TRABD2A: variants seen among roughly 807,000 people sequenced by gnomAD.
TRABD2A encodes TraB domain containing 2A.
A neutral mutation model predicts 45.6 loss-of-function variants in TRABD2A; 43 were observed. The observed-to-expected ratio is 0.94, with a 90% CI of 0.74 to 1.22. The LOEUF is 1.22. TRABD2A is among the 50% of genes most tolerant of loss of function. The pLI, the probability that TRABD2A is intolerant of heterozygous loss-of-function variation, is 0.00. For synonymous variants in TRABD2A, 269 were observed against 265.0 expected, an observed-to-expected ratio of 1.02 and a Z score of -0.15; for missense variants, 642 against 652.4, an observed-to-expected ratio of 0.98 and a Z score of 0.17.
At chr2:84,826,758 T>C (rs945526405) in intron 5 of TRABD2A, among the ~76,000 whole-genome samples, 1 of 152,206 alleles carries the variant, frequency 6.6e-6, no homozygotes, top group Middle Eastern at 3.2e-3. Context: ...GGTCTTGAGC[T>C]CCTGACCCCA....
intron 2 of TRABD2A, among the ~76,000 whole-genome samples, chr2:84,854,066 A>G (rs148414095): frequency 6.7e-6 from 1 of 149,000 alleles, no homozygotes; most frequent in Non-Finnish European, 1.5e-5. Flanking sequence ...ATAAATATAT[A>G]TTATTTATAT....
chr2:84,874,613 A>G (rs11693789), intron 1 of TRABD2A: 6,422 of 153,076 alleles, frequency 0.042, 171 homozygotes, highest in South Asian at 0.085. Context: ...TGACCATGCC[A>G]CCTAAGTTGG....
chr2:84,824,394 T>C (rs1363510723), intron 5 of TRABD2A, among the ~76,000 whole-genome samples, 190 bp from the exon 6 acceptor site: 6 of 151,980 alleles, frequency 3.9e-5, no homozygotes, highest in African/African-American at 1.2e-4. Flanking sequence ...GCCTTTTTTT[T>C]CCCCTCAGAT....
chr2:84,871,711 T>C (rs1443696341), intron 1 of TRABD2A, among the ~76,000 whole-genome samples: 11 of 152,126 alleles, frequency 7.2e-5, no homozygotes, highest in Admixed American at 4.6e-4. Flanking sequence ...GGTCTCAAAC[T>C]CCTGACCTTG....
chr2:84,845,569 G>T (rs1425346609), intron 2 of TRABD2A, among the ~76,000 whole-genome samples: 1 of 150,680 alleles, frequency 6.6e-6, no homozygotes, highest in African/African-American at 2.5e-5. Flanking sequence ...GGAGACAAGG[G>T]CGGGGGAAGA....
At chr2:84,870,808 C>A in intron 1 of TRABD2A, 23 bp from the exon 2 acceptor site, 1 of 1,541,816 alleles carries the variant, frequency 6.5e-7, no homozygotes, top group Non-Finnish European at 8.8e-7. Flanking sequence ...GAGGTAACAT[C>A]AAGGTATAAT....
intron 2 of TRABD2A, among the ~76,000 whole-genome samples, chr2:84,853,366 G>T (rs563171644): frequency 1.3e-5 from 2 of 152,322 alleles, no homozygotes; most frequent in East Asian, 3.9e-4. Flanking sequence ...GGCAGAAGAG[G>T]AAGCAAACAT....
intron 2 of TRABD2A, among the ~76,000 whole-genome samples, chr2:84,848,328 TGATAGATAGATAGATAGATA>T (rs58667309): frequency 0.017 from 2,096 of 126,856 alleles, 67 homozygotes; most frequent in African/African-American, 0.059. Context: ...CACATAAAAA[TGATAGATAGATAGATAGATA>T]GATAGATAGA....
chr2:84,843,341 C>T (rs887929121), intron 2 of TRABD2A, among the ~76,000 whole-genome samples: 2 of 152,138 alleles, frequency 1.3e-5, no homozygotes, highest in Non-Finnish European at 1.5e-5. Flanking sequence ...CCAGAGACAA[C>T]GCATTAGAGG....
At chr2:84,832,244 C>T (rs1681364704) in intron 4 of TRABD2A, 99 bp from the exon 5 acceptor site, 3 of 1,230,920 alleles carry the variant, frequency 2.4e-6, no homozygotes, top group African/African-American at 3.0e-5. Flanking sequence ...CCCTGCCAAG[C>T]CCCCTGCCTA....
chr2:84,872,540 G>A (rs1456778158), intron 1 of TRABD2A, among the ~76,000 whole-genome samples: 2 of 151,986 alleles, frequency 1.3e-5, no homozygotes, highest in African/African-American at 4.8e-5. Context: ...GGACTAGAGG[G>A]AGGGAGGGAA....
chr2:84,876,386 G>A (rs1036854181), intron 1 of TRABD2A, among the ~76,000 whole-genome samples: 58 of 152,216 alleles, frequency 3.8e-4, no homozygotes, highest in African/African-American at 1.4e-3. Flanking sequence ...AGAATGAGAA[G>A]TGGCCAGCAA....
chr2:84,827,559 C>T (rs966964166), intron 5 of TRABD2A, among the ~76,000 whole-genome samples: 5 of 152,200 alleles, frequency 3.3e-5, no homozygotes, highest in African/African-American at 9.7e-5. Flanking sequence ...TAGAGCACCC[C>T]GCTGTGTAAC....
chr2:84,847,393 G>T (rs1419152797), intron 2 of TRABD2A, among the ~76,000 whole-genome samples: 1 of 152,190 alleles, frequency 6.6e-6, no homozygotes, highest in African/African-American at 2.4e-5. Context: ...GTGGATAAGA[G>T]AATTGCTCAG....
chr2:84,874,935 C>T (rs140710088), intron 1 of TRABD2A: 83 of 166,598 alleles, frequency 5.0e-4, no homozygotes, highest in African/African-American at 1.5e-3. Flanking sequence ...AGGTCGTCAA[C>T]GTTGCTCAAC....
intron 4 of TRABD2A, chr2:84,838,375 G>A: frequency 1.7e-6 from 1 of 605,264 alleles, no homozygotes; most frequent in South Asian, 2.1e-5. Context: ...CCAGAGCTGT[G>A]GAAAAGTTGA....
chr2:84,875,671 G>A (rs1056700050), intron 1 of TRABD2A, among the ~76,000 whole-genome samples: 1 of 152,184 alleles, frequency 6.6e-6, no homozygotes, highest in African/African-American at 2.4e-5. Context: ...GAGTGGGAGT[G>A]ACAGGATTGA....
intron 2 of TRABD2A, among the ~76,000 whole-genome samples, chr2:84,842,334 C>G (rs1050588613): frequency 6.6e-6 from 1 of 152,100 alleles, no homozygotes; most frequent in Non-Finnish European, 1.5e-5. Flanking sequence ...GGTGGGGCAG[C>G]GAGAGGGCTG....
chr2:84,879,511 T>C, intron 1 of TRABD2A: 1 of 815,786 alleles, frequency 1.2e-6, no homozygotes, highest in Non-Finnish European at 1.5e-6. Context: ...CGTAAAGGAG[T>C]CCTGAGACCA....
Sources: allele counts gnomAD v4.1 joint callset (sites outside exome capture counted in the v4.1 genomes callset), GRCh38; gene constraint gnomAD v4.1.1; transcripts MANE v1.5; gene names NCBI Gene and HGNC (gene_info 2026-07-23, HGNC 2026-07-21).